Variants in ZBTB7C observed in about 807,000 individuals in gnomAD.
ZBTB7C encodes the protein zinc finger and BTB domain containing 7C.
Under a neutral mutation model 25.7 loss-of-function variants are expected in ZBTB7C, and 8 were observed. The ratio of observed to expected loss-of-function variants is 0.31; its 90% CI spans 0.18 to 0.56. ZBTB7C has a LOEUF of 0.56. Among genes scored for constraint, ZBTB7C ranks in the 20% least tolerant of loss-of-function variants. ZBTB7C has a pLI of 0.91. For missense variants in ZBTB7C, 824 were observed against 855.2 expected (o/e 0.96, Z 0.46); for synonymous variants, 394 against 369.0 (o/e 1.07, Z -0.78).
chr18:48,271,988 T>A (rs1468309188), intron 2 of ZBTB7C, among the ~76,000 whole-genome samples: 2 of 152,116 alleles, frequency 1.3e-5, no homozygotes, highest in Non-Finnish European at 2.9e-5. Context: ...ATAAACAAAG[T>A]GTAATAATTG....
chr18:48,141,367 T>C (rs2040343954), intron 3 of ZBTB7C, among the ~76,000 whole-genome samples: 1 of 152,142 alleles, frequency 6.6e-6, no homozygotes, highest in Non-Finnish European at 1.5e-5. Flanking sequence ...TGACTGTCCC[T>C]CCCACTAGAA....
At chr18:48,186,323 A>G (rs1016269179) in intron 2 of ZBTB7C, among the ~76,000 whole-genome samples, 1 of 152,196 alleles carries the variant, frequency 6.6e-6, no homozygotes, top group Non-Finnish European at 1.5e-5. Flanking sequence ...CTTCTGTAGC[A>G]TGGGGTTGCC....
intron 2 of ZBTB7C, among the ~76,000 whole-genome samples, chr18:48,270,522 C>G (rs1455544097): frequency 3.3e-5 from 5 of 149,874 alleles, no homozygotes; most frequent in Non-Finnish European, 7.4e-5. Context: ...GGTGAAACCC[C>G]GCTAAAAAAT....
intron 2 of ZBTB7C, among the ~76,000 whole-genome samples, chr18:48,324,580 G>A (rs1163622902): frequency 1.3e-5 from 2 of 152,132 alleles, no homozygotes; most frequent in Non-Finnish European, 2.9e-5. Flanking sequence ...GAGGTGATGA[G>A]TTCATAAGGG....
At chr18:48,171,817 C>T (rs116964943) in intron 3 of ZBTB7C, among the ~76,000 whole-genome samples, 2,088 of 152,364 alleles carry the variant, frequency 0.014, 18 homozygotes, top group Non-Finnish European at 0.021. Context: ...TACCATCATC[C>T]TATTGAATGG....
At chr18:48,234,863 C>T (rs968123812) in intron 2 of ZBTB7C, among the ~76,000 whole-genome samples, 3 of 151,956 alleles carry the variant, frequency 2.0e-5, no homozygotes, top group Non-Finnish European at 4.4e-5. Flanking sequence ...TTGTGTATTT[C>T]GAAACTAAGT....
intron 3 of ZBTB7C, among the ~76,000 whole-genome samples, chr18:48,113,348 A>G (rs541412738): frequency 2.0e-5 from 3 of 152,406 alleles, no homozygotes; most frequent in African/African-American, 7.2e-5. Flanking sequence ...ATCACAAGGA[A>G]AAACCATCAT....
chr18:48,215,937 G>C (rs2042812512), intron 2 of ZBTB7C, among the ~76,000 whole-genome samples: 1 of 152,208 alleles, frequency 6.6e-6, no homozygotes, highest in Non-Finnish European at 1.5e-5. Context: ...ACTAAAGTCA[G>C]GTTGTTATCT....
intron 2 of ZBTB7C, among the ~76,000 whole-genome samples, chr18:48,216,859 T>G (rs2042836384): frequency 6.6e-6 from 1 of 152,130 alleles, no homozygotes; most frequent in South Asian, 2.1e-4. Context: ...TACCTTCAAG[T>G]ACCTTATTTG....
chr18:48,137,600 G>A (rs193093288), intron 3 of ZBTB7C, among the ~76,000 whole-genome samples: 1 of 152,316 alleles, frequency 6.6e-6, no homozygotes, highest in East Asian at 1.9e-4. Context: ...TCTCCTTACA[G>A]GGTCGTGAGT....
At chr18:48,182,058 T>A (rs1461121057) in intron 3 of ZBTB7C, among the ~76,000 whole-genome samples, 1 of 152,198 alleles carries the variant, frequency 6.6e-6, no homozygotes, top group Admixed American at 6.5e-5. Context: ...CATTATTCTG[T>A]GTCCTGCAAA....
chr18:48,401,190 T>A (rs548360532), intron 1 of ZBTB7C, among the ~76,000 whole-genome samples: 1 of 152,286 alleles, frequency 6.6e-6, no homozygotes, highest in African/African-American at 2.4e-5. Flanking sequence ...GATAGGGTAG[T>A]CGCTTGGGGA....
chr18:48,383,093 A>C (rs576636849), intron 1 of ZBTB7C, among the ~76,000 whole-genome samples: 8 of 152,252 alleles, frequency 5.3e-5, no homozygotes, highest in African/African-American at 1.9e-4. Flanking sequence ...AGGTAACAGC[A>C]TCTTAGCCTC....
chr18:48,100,832 C>G (rs2038803297), intron 3 of ZBTB7C, among the ~76,000 whole-genome samples: 1 of 151,848 alleles, frequency 6.6e-6, no homozygotes, highest in Non-Finnish European at 1.5e-5. Context: ...AAGCCGGAGC[C>G]TGGGAAGGGG....
At chr18:48,296,186 C>G (rs2045384255) in intron 2 of ZBTB7C, among the ~76,000 whole-genome samples, 1 of 152,218 alleles carries the variant, frequency 6.6e-6, no homozygotes, top group Non-Finnish European at 1.5e-5. Flanking sequence ...CCCCCACCAC[C>G]TGCTCAGGCC....
intron 1 of ZBTB7C, chr18:48,375,718 TG>T (rs2047505149): frequency 6.6e-6 from 1 of 152,208 alleles, no homozygotes; most frequent in African/African-American, 2.4e-5. Flanking sequence ...CTCTGCAAAC[TG>T]GAGATAATTT....
chr18:48,244,279 G>A (rs1296432549), intron 2 of ZBTB7C, among the ~76,000 whole-genome samples: 1 of 152,188 alleles, frequency 6.6e-6, no homozygotes, highest in Non-Finnish European at 1.5e-5. Context: ...GCCAGGTGTG[G>A]TGGCAGGTGC....
At chr18:48,305,798 A>C (rs533726685) in intron 2 of ZBTB7C, among the ~76,000 whole-genome samples, 5 of 152,260 alleles carry the variant, frequency 3.3e-5, no homozygotes, top group African/African-American at 1.2e-4. Context: ...CAGGGAGCTC[A>C]AGTCACTTGC....
chr18:48,225,689 G>A (rs2043070170), intron 2 of ZBTB7C, among the ~76,000 whole-genome samples: 2 of 152,266 alleles, frequency 1.3e-5, no homozygotes, highest in South Asian at 4.1e-4. Flanking sequence ...GGCTCCAGAG[G>A]TCTTGAAACT....
Sources: gnomAD v4.1 joint callset for allele counts (sites outside exome capture counted in the v4.1 genomes callset) on GRCh38, gnomAD v4.1.1 for gene constraint, MANE v1.5 for transcripts, NCBI Gene and HGNC (gene_info 2026-07-23, HGNC 2026-07-21) for gene names.